CNTNAP4: variants seen among roughly 807,000 people sequenced by gnomAD.
The protein encoded by CNTNAP4 is contactin associated protein family member 4, also known as contactin-associated protein-like 4.
Under a neutral mutation model 148.4 loss-of-function variants are expected in CNTNAP4, and 98 were observed. That is an observed-to-expected ratio of 0.66 (90% CI 0.56 to 0.78). CNTNAP4 has a LOEUF of 0.78. CNTNAP4 is among the 30% of genes least tolerant of loss of function. CNTNAP4 has a pLI of 0.00. For missense variants in CNTNAP4, 1,935 were observed against 1,565.6 expected (o/e 1.24, Z -3.98); for synonymous variants, 730 against 565.1 (o/e 1.29, Z -4.14).
At chr16:76,337,855 T>C (rs1225252512) in intron 2 of CNTNAP4, among the ~76,000 whole-genome samples, 1 of 152,192 alleles carries the variant, frequency 6.6e-6, no homozygotes, top group East Asian at 1.9e-4. Flanking sequence ...CCTACTTGCT[T>C]TCTGCAAGAA....
At chr16:76,503,522 T>A (rs2143932709) in intron 15 of CNTNAP4, among the ~76,000 whole-genome samples, 1 of 152,224 alleles carries the variant, frequency 6.6e-6, no homozygotes, top group Admixed American at 6.5e-5. Flanking sequence ...TATTCAAAAG[T>A]GAATTATATA....
chr16:76,305,776 C>A (rs1466156218), intron 1 of CNTNAP4, among the ~76,000 whole-genome samples: 14 of 152,184 alleles, frequency 9.2e-5, no homozygotes. Context: ...AGACTAGCAC[C>A]CAACAGGTAG....
chr16:76,315,536 T>C lies in CNTNAP4; in HGVS notation c.86-877T>C, dbSNP rs201232259. Reference sequence around the variant, plus strand: ...TCCATAAACTAGTATCCTTTTGTAGTCCCAGTTTACATCTCTTTTTGCTGA... The same window carrying C: ...TCCATAAACTAGTATCCTTTTGTAGCCCCAGTTTACATCTCTTTTTGCTGA... On this transcript the variant is annotated intron_variant, in intron 1 of 23. Transcript: ENST00000611870. Among the ~76,000 whole-genome samples, 5 of 152,222 alleles carry C rather than the reference T, an allele frequency of 3.3e-5. No homozygotes were observed. The East Asian group carries it at 9.6e-4, about 29-fold the overall frequency.
At chr16:76,478,951 G>A (rs184011729) in intron 11 of CNTNAP4, among the ~76,000 whole-genome samples, 54 of 152,158 alleles carry the variant, frequency 3.5e-4, no homozygotes, top group Non-Finnish European at 5.9e-4. Context: ...ATGATTTAAA[G>A]TGTTTCTGTT....
At chr16:76,370,457 T>A (rs549174284) in intron 3 of CNTNAP4, among the ~76,000 whole-genome samples, 1 of 152,282 alleles carries the variant, frequency 6.6e-6, no homozygotes, top group Admixed American at 6.5e-5. Flanking sequence ...GCTCAGCCAC[T>A]ACCAAGTAGC....
chr16:76,395,379 C>T (rs2078163947), intron 3 of CNTNAP4, among the ~76,000 whole-genome samples: 2 of 151,730 alleles, frequency 1.3e-5, no homozygotes, highest in African/African-American at 4.8e-5. Context: ...AATTCTCCTG[C>T]CTCAGCCTCC....
At chr16:76,435,673 A>T (rs2079797907) in intron 4 of CNTNAP4, among the ~76,000 whole-genome samples, 1 of 152,116 alleles carries the variant, frequency 6.6e-6, no homozygotes, top group Non-Finnish European at 1.5e-5. Flanking sequence ...AATCTACTCC[A>T]CCATCCCCAT....
At chr16:76,506,252 CA>C (rs1362870851) in intron 15 of CNTNAP4, among the ~76,000 whole-genome samples, 18 of 95,428 alleles carry the variant, frequency 1.9e-4, no homozygotes, top group African/African-American at 4.7e-4. Flanking sequence ...TCCACTTTAG[CA>C]TGTATAAAAA....
At chr16:76,516,110 A>G (rs1241290590) in intron 15 of CNTNAP4, among the ~76,000 whole-genome samples, 3 of 131,240 alleles carry the variant, frequency 2.3e-5, no homozygotes, top group East Asian at 2.4e-4. Context: ...ACCCCCCAAC[A>G]GGCCCCATTG....
At chr16:76,493,341 G>A (rs1446465617) in intron 13 of CNTNAP4, among the ~76,000 whole-genome samples, 1 of 152,162 alleles carries the variant, frequency 6.6e-6, no homozygotes, top group African/African-American at 2.4e-5. Context: ...CACACAGGAA[G>A]GGTGATCAAT....
chr16:76,527,192 C>T lies in CNTNAP4; in HGVS notation c.2755+4935C>T, dbSNP rs139440411. On this transcript the variant is annotated intron_variant, in intron 17 of 23. Coordinates refer to ENST00000611870, the MANE Select transcript of CNTNAP4 (RefSeq NM_033401.5). The stretch of plus-strand genomic sequence containing the variant: ...ATGAGACACACCTGCTCTGTAATCA[C>T]CTTCTCAGCAGTAAATTGGGCTTCT... Among the ~76,000 whole-genome samples, 91 of 152,250 alleles carry T rather than the reference C, an allele frequency of 6.0e-4. 1 individual carries two copies. The East Asian group carries it at 0.013, about 22-fold the overall frequency.
At chr16:76,388,230 C>G (rs1418635204) in intron 3 of CNTNAP4, among the ~76,000 whole-genome samples, 3 of 152,232 alleles carry the variant, frequency 2.0e-5, no homozygotes, top group Non-Finnish European at 4.4e-5. Flanking sequence ...CACTGCTGTT[C>G]ATTTCATCCA....
intron 3 of CNTNAP4, among the ~76,000 whole-genome samples, chr16:76,397,997 T>C (rs2078272466): frequency 1.0e-5 from 1 of 98,246 alleles, no homozygotes. Context: ...TATATATATA[T>C]ATATGGAGTT....
intron 4 of CNTNAP4, among the ~76,000 whole-genome samples, chr16:76,446,424 G>T (rs8061099): frequency 6.6e-6 from 1 of 151,912 alleles, no homozygotes; most frequent in Non-Finnish European, 1.5e-5. Context: ...AGACAATACC[G>T]TCAGGATTTC....
chr16:76,337,188 C>G (rs1015402974), intron 2 of CNTNAP4, among the ~76,000 whole-genome samples: 5 of 152,202 alleles, frequency 3.3e-5, no homozygotes, highest in Admixed American at 1.3e-4. Context: ...CAAACACACA[C>G]TAAGCGGTTT....
chr16:76,360,856 G>T lies in CNTNAP4; in HGVS notation c.390+5345G>T, dbSNP rs1369067447. On this transcript the variant is annotated intron_variant, in intron 3 of 23. Coordinates refer to ENST00000611870, the MANE Select transcript of CNTNAP4 (RefSeq NM_033401.5). ...TTTTGAGATGGAGTCTCGCTCTGTT[G>T]CCCAGGCTGGAGTGCAGTGGCACGA... Among the ~76,000 whole-genome samples, 31 of 122,884 alleles carry T rather than the reference G, an allele frequency of 2.5e-4. 1 individual carries two copies. The highest frequency in any genetic ancestry group is 9.4e-4 in the African/African-American group (30 of 32,068). 80.6% of individuals were successfully genotyped at this position (122,884 alleles called of 152,430 possible). A position where few individuals can be genotyped will look rare whatever the true frequency, so the allele number is the denominator to read the frequency against.
chr16:76,395,958 A>T (rs902393146), intron 3 of CNTNAP4, among the ~76,000 whole-genome samples: 1 of 151,988 alleles, frequency 6.6e-6, no homozygotes, highest in African/African-American at 2.4e-5. Flanking sequence ...CAAACTCCTG[A>T]CCTCAGGTGA....
intron 3 of CNTNAP4, among the ~76,000 whole-genome samples, chr16:76,389,620 T>G (rs149413222): frequency 7.9e-5 from 12 of 151,198 alleles, no homozygotes; most frequent in African/African-American, 2.9e-4. Flanking sequence ...AGCCCAACTA[T>G]TTTTTTTTCT....
At chr16:76,366,739 A>T (rs1349772456) in intron 3 of CNTNAP4, among the ~76,000 whole-genome samples, 1 of 152,192 alleles carries the variant, frequency 6.6e-6, no homozygotes, top group African/African-American at 2.4e-5. Context: ...TTAGACTCCC[A>T]CCAACAGTGT....
Sources: gnomAD v4.1 joint callset for allele counts (sites outside exome capture counted in the v4.1 genomes callset) on GRCh38, gnomAD v4.1.1 for gene constraint, MANE v1.5 for transcripts, NCBI Gene and HGNC (gene_info 2026-07-23, HGNC 2026-07-21) for gene names.